GOT2: variants seen among roughly 807,000 people sequenced by gnomAD.
The protein encoded by GOT2 is glutamic-oxaloacetic transaminase 2.
In GOT2, 17 loss-of-function variants were observed where a neutral mutation model predicts 50.0. The ratio of observed to expected loss-of-function variants is 0.34; its 90% CI spans 0.23 to 0.51. GOT2 has a LOEUF of 0.51. Among genes scored for constraint, GOT2 ranks in the 20% least tolerant of loss-of-function variants. The probability of loss-of-function intolerance (pLI) is 0.97; values close to 1 mark genes in which losing one functional copy is unlikely to be tolerated. For missense variants in GOT2, 430 were observed against 559.6 expected, an observed-to-expected ratio of 0.77 and a Z score of 2.34; for synonymous variants, 172 against 204.9, an observed-to-expected ratio of 0.84 and a Z score of 1.37.
chr16:58,731,680 C>T (rs747717327), intron 1 of GOT2, among the ~76,000 whole-genome samples: 47 of 152,220 alleles, frequency 3.1e-4, no homozygotes, highest in Non-Finnish European at 5.6e-4. Flanking sequence ...AAGTTTTATT[C>T]GCAGTGTTTA....
Position 58,718,235 on chromosome 16 carries a change from C to T in GOT2, c.663G>A (p.Pro221=), listed in dbSNP as rs1015759055. The change falls in exon 6 of 10, where the codon CCG becomes CCA. Residue 221 remains proline (P), a synonymous_variant. Coordinates refer to ENST00000245206, the MANE Select transcript of GOT2 (RefSeq NM_002080.4). ...CTATTTCCTTCCACTGTTCCGGACG[C>T]GGGTCCACTCCCGTGGGATTGTGGG... ...ACAHNPTGVD[P]RPEQWKEIAT... is the part of the protein sequence containing the mutation. 17 of 1,613,858 alleles carry T rather than the reference C, an allele frequency of 1.1e-5. No individual in the cohort carries two copies. Among genetic ancestry groups the T allele is most frequent in the East Asian group, 4.5e-5 (2 of 44,896 alleles).
At chr16:58,709,343 AG>A (rs2044628003) in intron 9 of GOT2, 73 bp downstream of exon 9, 1 of 1,220,664 alleles carries the variant, frequency 8.2e-7, no homozygotes, top group South Asian at 1.6e-5. Flanking sequence ...AAAAGAAAAA[AG>A]AAAAAAAAGT....
intron 1 of GOT2, 98 bp from the exon 2 acceptor site, chr16:58,724,000 C>G: frequency 9.0e-7 from 1 of 1,114,348 alleles, no homozygotes; most frequent in Non-Finnish European, 1.3e-6. Context: ...GTTGCCCAGG[C>G]TGGAGTGCAG....
chr16:58,721,478 A>G (rs1467418710), intron 3 of GOT2, among the ~76,000 whole-genome samples: 2 of 152,160 alleles, frequency 1.3e-5, no homozygotes, highest in Non-Finnish European at 2.9e-5. Flanking sequence ...TTGGAAGCTT[A>G]GGACATGAGG....
Position 58,707,578 on chromosome 16 carries a change from G to A in GOT2, c.*593C>T, listed in dbSNP as rs535708598. The A allele has an allele frequency of 1.3e-5, 2 of 152,190 alleles. No individual in the cohort carries two copies. The highest frequency in any genetic ancestry group is 2.9e-5 in the Non-Finnish European group (2 of 68,034). 9.4% of individuals were successfully genotyped at this position (152,190 alleles called of 1,614,324 possible). On this transcript the variant is annotated 3_prime_UTR_variant, in exon 10 of 10. Transcript: ENST00000245206. The stretch of plus-strand genomic sequence containing the variant: ...TCTGCAATAGTTAAAAAATCTTTGC[G>A]TGTAAGGAAAAGAACGGCAATGACA...
intron 2 of GOT2, among the ~76,000 whole-genome samples, 153 bp from the exon 3 acceptor site, chr16:58,722,431 T>C (rs1460605512): frequency 6.6e-6 from 1 of 152,056 alleles, no homozygotes; most frequent in African/African-American, 2.4e-5. Flanking sequence ...AGTGCAGTAG[T>C]GTGATCTCGG....
chr16:58,728,987 C>T (rs2044810408), intron 1 of GOT2, among the ~76,000 whole-genome samples: 1 of 152,008 alleles, frequency 6.6e-6, no homozygotes, highest in East Asian at 1.9e-4. Context: ...GCACCCGGCC[C>T]TTTTCTGCTT....
At chr16:58,726,382 C>T (rs900913597) in intron 1 of GOT2, among the ~76,000 whole-genome samples, 6 of 152,100 alleles carry the variant, frequency 3.9e-5, no homozygotes, top group African/African-American at 1.4e-4. Flanking sequence ...GACGGGGTTT[C>T]GCCGTGTTGG....
At chr16:58,718,088 T>C (rs1052103100) in intron 6 of GOT2, 108 bp downstream of exon 6, 8 of 814,464 alleles carry the variant, frequency 9.8e-6, no homozygotes, top group Non-Finnish European at 1.3e-5. Flanking sequence ...TGTGTGGACA[T>C]TTCACGCAGG....
chr16:58,710,621 C>A (rs1018746432), intron 8 of GOT2, among the ~76,000 whole-genome samples: 4 of 152,014 alleles, frequency 2.6e-5, no homozygotes, highest in Admixed American at 1.3e-4. Context: ...GTGGCTCACG[C>A]CTGTAATCCC....
chr16:58,722,444 C>T (rs1309614877), intron 2 of GOT2, among the ~76,000 whole-genome samples, 166 bp from the exon 3 acceptor site: 1 of 149,390 alleles, frequency 6.7e-6, no homozygotes, highest in East Asian at 2.0e-4. Context: ...GATCTCGGCT[C>T]ACTGCAACCT....
chr16:58,719,245 A>G lies in GOT2; in HGVS notation c.386T>C (p.Val129Ala), dbSNP rs1206940252. Residue 129 changes from valine to alanine, a missense_variant, in exon 4 of 10, where the codon GTG becomes GCG. By Grantham distance (64) the Val-to-Ala change is moderately conservative. Coordinates refer to ENST00000245206, the MANE Select transcript of GOT2 (RefSeq NM_002080.4). ...GGCTCCAGTTCCAGAAATGGTCTGC[A>G]CAGTGACAAACTGAAGGAGAGATAC... ...EVLKSGRFVT[V>A]QTISGTGALR... 6.2e-7 allele frequency: 1 copy of G among 1,612,876 alleles called. No homozygotes were observed. The highest frequency in any genetic ancestry group is 1.7e-5 in the Admixed American group (1 of 59,996).
chr16:58,733,754 C>T (rs1192469975), intron 1 of GOT2, among the ~76,000 whole-genome samples: 3 of 152,130 alleles, frequency 2.0e-5, no homozygotes, highest in Non-Finnish European at 2.9e-5. Context: ...CAGGTGCGCC[C>T]GCCGCCCCCA....
intron 1 of GOT2, among the ~76,000 whole-genome samples, chr16:58,731,922 T>C (rs1408039670): frequency 6.6e-6 from 1 of 152,248 alleles, no homozygotes. Context: ...AGTCTGATCT[T>C]GCCTGAAGAG....
intron 2 of GOT2, among the ~76,000 whole-genome samples, chr16:58,722,658 C>T (rs1223837068): frequency 1.3e-5 from 2 of 152,240 alleles, no homozygotes; most frequent in African/African-American, 4.8e-5. Flanking sequence ...GCATGAGCCA[C>T]TGCGCCCGGC....
chr16:58,716,257 G>A (rs1428274580), intron 7 of GOT2, 78 bp from the exon 8 acceptor site: 10 of 1,340,240 alleles, frequency 7.5e-6, no homozygotes, highest in South Asian at 2.5e-5. Flanking sequence ...TATTTGCTAC[G>A]TATTATCTGT....
At chr16:58,731,886 G>T (rs1178475583) in intron 1 of GOT2, among the ~76,000 whole-genome samples, 2 of 152,236 alleles carry the variant, frequency 1.3e-5, no homozygotes, top group Non-Finnish European at 2.9e-5. Context: ...GCTAGGTAAA[G>T]ATCACTTCCA....
Position 58,718,482 on chromosome 16 carries a change from G to A in GOT2, c.597+45C>T, listed in dbSNP as rs200376916. The A allele has an allele frequency of 3.6e-5, 55 of 1,520,366 alleles. No individual in the cohort carries two copies. The East Asian group carries it at 1.2e-3, about 34-fold the overall frequency. The allele number at this position is 1,520,366 out of a possible 1,614,324, so 94.2% of individuals were successfully genotyped here. On this transcript the variant is annotated intron_variant, in intron 5 of 9. Transcript: ENST00000245206. ...GGTGGGAGACATCAAATGTCCGCAA[G>A]CAAGGAGTTTTATTCACCTCTCTCA...
intron 8 of GOT2, among the ~76,000 whole-genome samples, chr16:58,712,990 T>C (rs545800919): frequency 3.5e-4 from 53 of 152,128 alleles, no homozygotes; most frequent in African/African-American, 1.3e-3. Context: ...TCCCAGCTAC[T>C]TGGGAGGCTG....
Sources: gnomAD v4.1 joint callset for allele counts (sites outside exome capture counted in the v4.1 genomes callset) on GRCh38, gnomAD v4.1.1 for gene constraint, MANE v1.5 for transcripts, NCBI Gene and HGNC (gene_info 2026-07-23, HGNC 2026-07-21) for gene names.